RAPGEF5: variants seen among roughly 807,000 people sequenced by gnomAD.
RAPGEF5 encodes the protein Rap guanine nucleotide exchange factor 5.
RAPGEF5 carries 65 observed loss-of-function variants against 125.2 expected under a neutral mutation model. The observed-to-expected ratio is 0.52, with a 90% confidence interval of 0.43 to 0.64. The LOEUF (loss-of-function observed/expected upper bound fraction) is 0.64. RAPGEF5 is among the 30% of genes least tolerant of loss of function. The pLI, the probability that RAPGEF5 is intolerant of heterozygous loss-of-function variation, is 0.00. For synonymous variants in RAPGEF5, 391 were observed against 385.9 expected, an observed-to-expected ratio of 1.01 and a Z score of -0.16; for missense variants, 958 against 1,048.1, an observed-to-expected ratio of 0.91 and a Z score of 1.19.
At chr7:22,209,334 T>C (rs1785460032) in intron 9 of RAPGEF5, among the ~76,000 whole-genome samples, 1 of 152,244 alleles carries the variant, frequency 6.6e-6, no homozygotes, top group Non-Finnish European at 1.5e-5. Context: ...CTTCCTTTTA[T>C]CCCTTTCTTG....
intron 12 of RAPGEF5, 37 bp downstream of exon 12, chr7:22,167,033 G>A: frequency 6.6e-7 from 1 of 1,526,610 alleles, no homozygotes; most frequent in Non-Finnish European, 9.1e-7. Context: ...TGTCTGAGAG[G>A]AAGTGGACAC....
At chr7:22,339,899 T>C (rs563623566) in intron 1 of RAPGEF5, among the ~76,000 whole-genome samples, 13 of 152,320 alleles carry the variant, frequency 8.5e-5, no homozygotes, top group South Asian at 6.2e-4. Flanking sequence ...AATCAACACA[T>C]TTGTAACTCT....
At chr7:22,251,911 G>T (rs1340786361) in intron 7 of RAPGEF5, among the ~76,000 whole-genome samples, 1 of 151,766 alleles carries the variant, frequency 6.6e-6, no homozygotes, top group African/African-American at 2.4e-5. Context: ...GTGGGTTTCA[G>T]ATCTCTGGTG....
intron 9 of RAPGEF5, among the ~76,000 whole-genome samples, chr7:22,212,001 C>T (rs1785519511): frequency 6.9e-6 from 1 of 144,840 alleles, no homozygotes; most frequent in Non-Finnish European, 1.5e-5. Flanking sequence ...GAGTCTCGCA[C>T]TGTTGCCCAG....
intron 7 of RAPGEF5, among the ~76,000 whole-genome samples, chr7:22,264,240 G>C (rs1782228979): frequency 6.6e-6 from 1 of 152,056 alleles, no homozygotes; most frequent in Non-Finnish European, 1.5e-5. Context: ...AAACCTATTG[G>C]ATTATAGAGT....
At chr7:22,173,808 G>A (rs144020822) in intron 11 of RAPGEF5, among the ~76,000 whole-genome samples, 36 of 150,936 alleles carry the variant, frequency 2.4e-4, no homozygotes, top group African/African-American at 8.3e-4. Flanking sequence ...GGTCACCCTG[G>A]GACTAAGAGC....
chr7:22,318,062 ATAGT>A (rs780725076), intron 1 of RAPGEF5, 25 bp from the exon 2 acceptor site: 11 of 1,520,326 alleles, frequency 7.2e-6, no homozygotes, highest in South Asian at 1.3e-5. Flanking sequence ...GAAAAAAAAA[ATAGT>A]TAGAACCAAA....
At chr7:22,321,778 A>T (rs1416766490) in intron 1 of RAPGEF5, among the ~76,000 whole-genome samples, 2 of 152,234 alleles carry the variant, frequency 1.3e-5, no homozygotes, top group Non-Finnish European at 2.9e-5. Flanking sequence ...AAACCCAGGA[A>T]GATAAAAAGC....
chr7:22,315,528 G>C, intron 2 of RAPGEF5, 52 bp from the exon 3 acceptor site: 1 of 1,229,308 alleles, frequency 8.1e-7, no homozygotes, highest in Non-Finnish European at 1.0e-6. Context: ...GTGACAATTT[G>C]TGAACTACCA....
At chr7:22,124,734 A>C (rs1321147355) in intron 25 of RAPGEF5, among the ~76,000 whole-genome samples, 1 of 152,180 alleles carries the variant, frequency 6.6e-6, no homozygotes, top group Non-Finnish European at 1.5e-5. Flanking sequence ...CCTTTGATTA[A>C]TTTATAATTA....
At chr7:22,316,706 C>T (rs934732731) in intron 2 of RAPGEF5, among the ~76,000 whole-genome samples, 2 of 150,924 alleles carry the variant, frequency 1.3e-5, no homozygotes, top group Non-Finnish European at 2.9e-5. Flanking sequence ...CTGTGCTGCT[C>T]AGGCTGGTCT....
intron 8 of RAPGEF5, among the ~76,000 whole-genome samples, chr7:22,229,119 G>T (rs1007302872): frequency 2.0e-5 from 3 of 152,144 alleles, no homozygotes; most frequent in African/African-American, 7.2e-5. Flanking sequence ...ATCCCTTAAG[G>T]AAGAAGGGCT....
Position 22,210,885 on chromosome 7 carries a change from G to A in RAPGEF5, c.996+8981C>T, listed in dbSNP as rs113424954. ...CCTATTCCAGTTAAACCTAAGTACT[G>A]CAACACTGATCTCTTCAGACCAAAA... On this transcript the variant is annotated intron_variant, in intron 9 of 25. Transcript: ENST00000665637. 7.8e-3 allele frequency among the ~76,000 whole-genome samples: 1,191 copies of A among 152,168 alleles called. 10 individuals are homozygous for A. The highest frequency in any genetic ancestry group is 8.1e-3 in the Non-Finnish European group (553 of 67,998).
intron 7 of RAPGEF5, among the ~76,000 whole-genome samples, chr7:22,245,395 T>G (rs1056530123): frequency 6.6e-6 from 1 of 152,182 alleles, no homozygotes; most frequent in Non-Finnish European, 1.5e-5. Context: ...TCTAGACCAA[T>G]GTTATACAGA....
intron 11 of RAPGEF5, among the ~76,000 whole-genome samples, chr7:22,175,952 A>G (rs1784490472): frequency 6.6e-6 from 1 of 152,094 alleles, no homozygotes; most frequent in Non-Finnish European, 1.5e-5. Flanking sequence ...ATAACATTGT[A>G]TTTACTTTTT....
intron 9 of RAPGEF5, among the ~76,000 whole-genome samples, chr7:22,199,210 A>G (rs1198048705): frequency 6.6e-6 from 1 of 152,186 alleles, no homozygotes; most frequent in Non-Finnish European, 1.5e-5. Context: ...ATGCAGTGGT[A>G]TGACCACAGC....
chr7:22,139,314 T>C (rs1056661242), intron 21 of RAPGEF5, among the ~76,000 whole-genome samples: 2 of 151,814 alleles, frequency 1.3e-5, no homozygotes, highest in Admixed American at 6.6e-5. Flanking sequence ...AAGTGGTACA[T>C]AGGGAGGTAG....
chr7:22,137,683 C>CT (rs1783120796), intron 21 of RAPGEF5, among the ~76,000 whole-genome samples: 1 of 152,212 alleles, frequency 6.6e-6, no homozygotes, highest in Non-Finnish European at 1.5e-5. Context: ...AGTTTGAACT[C>CT]TGACTCTGCC....
At chr7:22,152,581 G>A (rs916831947) in intron 17 of RAPGEF5, among the ~76,000 whole-genome samples, 2 of 152,124 alleles carry the variant, frequency 1.3e-5, no homozygotes, top group Non-Finnish European at 2.9e-5. Context: ...GTAAAAAACA[G>A]CTAAAGACTT....
Sources: gnomAD v4.1 joint callset for allele counts (sites outside exome capture counted in the v4.1 genomes callset) on GRCh38, gnomAD v4.1.1 for gene constraint, MANE v1.5 for transcripts, NCBI Gene and HGNC (gene_info 2026-07-23, HGNC 2026-07-21) for gene names.